Variants in CLPB observed in about 807,000 individuals in gnomAD.
CLPB encodes the protein ClpB family mitochondrial disaggregase.
In CLPB, 40 loss-of-function variants were observed where a neutral mutation model predicts 78.4. The observed-to-expected ratio is 0.51, with a 90% confidence interval of 0.40 to 0.66. CLPB has a LOEUF of 0.66. Ranked by LOEUF, CLPB falls within the 30% of genes least tolerant of loss-of-function variation. The pLI is 0.00. For synonymous variants in CLPB, 333 were observed against 348.0 expected, an observed-to-expected ratio of 0.96 and a Z score of 0.48; for missense variants, 780 against 886.9, an observed-to-expected ratio of 0.88 and a Z score of 1.53.
At chr11:72,417,880 C>T (rs929885345) in intron 2 of CLPB, among the ~76,000 whole-genome samples, 1 of 152,176 alleles carries the variant, frequency 6.6e-6, no homozygotes, top group African/African-American at 2.4e-5. Context: ...ACTCTTGAGC[C>T]CTTGGGAATT....
chr11:72,410,929 C>T (rs1413204654), intron 2 of CLPB: 3 of 152,070 alleles, frequency 2.0e-5, no homozygotes, highest in African/African-American at 7.2e-5. Context: ...AATGACCATA[C>T]TATTACTCTT....
intron 3 of CLPB, among the ~76,000 whole-genome samples, chr11:72,395,391 G>C (rs1224036501): frequency 6.6e-6 from 1 of 152,172 alleles, no homozygotes; most frequent in African/African-American, 2.4e-5. Context: ...GTGTAGTCCA[G>C]TGGAAAGAGC....
chr11:72,386,278 C>T lies in CLPB; in HGVS notation c.543-5894G>A, dbSNP rs148520166. 4.5e-3 allele frequency among the ~76,000 whole-genome samples: 688 copies of T among 152,216 alleles called. 1 individual carries two copies. The highest frequency in any genetic ancestry group is 8.3e-3 in the Non-Finnish European group (565 of 68,010). On this transcript the variant is annotated intron_variant, in intron 3 of 15. Coordinates refer to ENST00000538039, the MANE Select transcript of CLPB (RefSeq NM_001258392.3). ...TGTTTAATAGTCAGTTGTGCTTCTT[C>T]TTCACAAATCCCTTATTAAGGTCCT... is the stretch of plus-strand genomic sequence containing the variant.
chr11:72,407,615 G>A (rs554627166), intron 2 of CLPB, among the ~76,000 whole-genome samples: 5 of 152,076 alleles, frequency 3.3e-5, no homozygotes, highest in African/African-American at 1.2e-4. Context: ...AGAGTCAGGA[G>A]ACCTGGGTTC....
At chr11:72,358,742 A>T (rs146705686) in intron 5 of CLPB, 138 bp downstream of exon 5, 1 of 715,542 alleles carries the variant, frequency 1.4e-6, no homozygotes, top group Non-Finnish European at 2.3e-6. Flanking sequence ...GCTCTGGGGA[A>T]GTATGTTATT....
At chr11:72,358,736 TG>T in intron 5 of CLPB, 143 bp downstream of exon 5, 1 of 717,190 alleles carries the variant, frequency 1.4e-6, no homozygotes, top group Non-Finnish European at 2.3e-6. Flanking sequence ...AACAGGGCTC[TG>T]GGGAAGTATG....
intron 5 of CLPB, among the ~76,000 whole-genome samples, chr11:72,350,831 C>G (rs1198435751): frequency 2.6e-5 from 4 of 152,098 alleles, no homozygotes; most frequent in African/African-American, 9.7e-5. Context: ...TTTTTAATAG[C>G]TTTACTGAGA....
intron 4 of CLPB, among the ~76,000 whole-genome samples, chr11:72,362,221 C>T (rs951448706): frequency 6.6e-6 from 1 of 152,214 alleles, no homozygotes; most frequent in African/African-American, 2.4e-5. Flanking sequence ...TCCAGTGATT[C>T]CTCCTACGTT....
intron 3 of CLPB, among the ~76,000 whole-genome samples, chr11:72,385,730 G>A (rs769937630): frequency 2.6e-5 from 4 of 152,218 alleles, no homozygotes; most frequent in Non-Finnish European, 4.4e-5. Context: ...GGCTGAGGCA[G>A]GAGAATCGCT....
At chr11:72,432,508 T>C (rs1488801808) in intron 1 of CLPB, among the ~76,000 whole-genome samples, 2 of 152,026 alleles carry the variant, frequency 1.3e-5, no homozygotes, top group Non-Finnish European at 2.9e-5. Context: ...CAACGACACA[T>C]AGCACCACTC....
At chr11:72,309,977 A>G (rs1438790631) in intron 7 of CLPB, among the ~76,000 whole-genome samples, 1 of 152,212 alleles carries the variant, frequency 6.6e-6, no homozygotes, top group Non-Finnish European at 1.5e-5. Flanking sequence ...AAACGACTGC[A>G]GAGGTCTGGG....
intron 6 of CLPB, among the ~76,000 whole-genome samples, chr11:72,323,266 A>C (rs1001757530): frequency 6.6e-6 from 1 of 152,202 alleles, no homozygotes; most frequent in African/African-American, 2.4e-5. Context: ...ACCAACCTGC[A>C]CTTGTTAAAA....
chr11:72,306,696 T>C (rs1444518605), intron 9 of CLPB, among the ~76,000 whole-genome samples: 2 of 152,170 alleles, frequency 1.3e-5, no homozygotes. Flanking sequence ...TGCAGGATAG[T>C]GAGAGGCAAC....
intron 11 of CLPB, among the ~76,000 whole-genome samples, chr11:72,296,887 C>G (rs1406355018): frequency 6.6e-6 from 1 of 152,158 alleles, no homozygotes; most frequent in African/African-American, 2.4e-5. Context: ...CAGAGAGGAT[C>G]ATAACTTGTT....
In CLPB at chr11:72,301,982, A is replaced by T; in HGVS notation, c.1168-18T>A. 1 of 1,612,428 alleles carries T rather than the reference A, an allele frequency of 6.2e-7. No homozygotes were observed. The highest frequency in any genetic ancestry group is 2.2e-5 in the East Asian group (1 of 44,878). On this transcript the variant is annotated intron_variant, in intron 10 of 15. Transcript: ENST00000538039. The stretch of plus-strand genomic sequence containing the variant: ...TTGGCCACCTGGTAGAAGGAAGGAA[A>T]CATGCTAGGAAGGCCTTTCTGTGCT...
rs554165945 is a variant in CLPB at position 72,395,721 on chromosome 11, C to T, written c.542+7245G>A. 5.3e-5 allele frequency among the ~76,000 whole-genome samples: 8 copies of T among 152,318 alleles called. No individual in the cohort carries two copies. In the South Asian group the frequency reaches 6.2e-4, roughly 12 times the overall value. On this transcript the variant is annotated intron_variant, in intron 3 of 15. Transcript: ENST00000538039. ...GCCAGACCAAGAATAGGTTAGAAGACGGAAAAGGCTCTGTGCCCCTAAGGC... is the reference window on the plus strand; with the variant it reads ...GCCAGACCAAGAATAGGTTAGAAGATGGAAAAGGCTCTGTGCCCCTAAGGC...
At chr11:72,353,535 C>T (rs895390074) in intron 5 of CLPB, among the ~76,000 whole-genome samples, 1 of 152,170 alleles carries the variant, frequency 6.6e-6, no homozygotes, top group African/African-American at 2.4e-5. Flanking sequence ...CAAAAGAAAA[C>T]CTACAGTGGT....
intron 2 of CLPB, among the ~76,000 whole-genome samples, chr11:72,415,258 C>T (rs1855987171): frequency 6.6e-6 from 1 of 152,166 alleles, no homozygotes; most frequent in Non-Finnish European, 1.5e-5. Flanking sequence ...TAAGTAGCAG[C>T]CGGGGATGAA....
At chr11:72,384,529 G>A (rs1855019958) in intron 3 of CLPB, among the ~76,000 whole-genome samples, 1 of 152,064 alleles carries the variant, frequency 6.6e-6, no homozygotes, top group African/African-American at 2.4e-5. Flanking sequence ...GAGGAATAAT[G>A]GATCTACAAA....
Sources: gnomAD v4.1 joint callset for allele counts (sites outside exome capture counted in the v4.1 genomes callset) on GRCh38, gnomAD v4.1.1 for gene constraint, MANE v1.5 for transcripts, NCBI Gene and HGNC (gene_info 2026-07-23, HGNC 2026-07-21) for gene names.